NELL2: variants seen among roughly 807,000 people sequenced by gnomAD.
NELL2 encodes neural EGFL like 2.
In NELL2, 41 loss-of-function variants were observed where a neutral mutation model predicts 109.6. The observed-to-expected ratio is 0.37, with a 90% confidence interval of 0.29 to 0.49. The LOEUF (loss-of-function observed/expected upper bound fraction) is 0.49. NELL2 is among the 20% of genes least tolerant of loss of function. The pLI, the probability that NELL2 is intolerant of heterozygous loss-of-function variation, is 0.98. For synonymous variants in NELL2, 355 were observed against 344.7 expected, an observed-to-expected ratio of 1.03 and a Z score of -0.33; for missense variants, 900 against 1,008.3, an observed-to-expected ratio of 0.89 and a Z score of 1.45.
intron 3 of NELL2, among the ~76,000 whole-genome samples, chr12:44,791,204 ATAT>A (rs1942415073): frequency 2.7e-5 from 2 of 73,672 alleles, no homozygotes; most frequent in Non-Finnish European, 5.4e-5. Context: ...ATATATATAT[ATAT>A]ATATATATAT....
intron 1 of NELL2, among the ~76,000 whole-genome samples, chr12:44,891,809 T>C (rs991920145): frequency 6.6e-5 from 10 of 152,212 alleles, no homozygotes; most frequent in African/African-American, 2.4e-4. Flanking sequence ...CAAGTTGAAA[T>C]GGAATTTCCT....
rs1241954261 is a variant in NELL2 at position 44,876,251 on chromosome 12, C to G, written c.-382G>C. The G allele has an allele frequency of 3.4e-6, 4 of 1,164,408 alleles. No individual in the cohort carries two copies. The East Asian group carries it at 1.8e-4, about 54-fold the overall frequency. 72.1% of individuals were successfully genotyped at this position (1,164,408 alleles called of 1,614,324 possible). On this transcript the variant is annotated 5_prime_UTR_variant, in exon 1 of 20. Transcript: ENST00000429094. ...GGGGGCGGCCCCAAGAAAGCCCGGG[C>G]TGGGGCGGCCCCGCACCCCCCCGTC...
intron 9 of NELL2, among the ~76,000 whole-genome samples, chr12:44,718,333 A>C (rs1252244858): frequency 6.6e-6 from 1 of 152,220 alleles, no homozygotes; most frequent in Admixed American, 6.5e-5. Context: ...TCTCTAACTG[A>C]AAAGTATCTG....
chr12:44,606,086 C>T (rs1032324018), intron 15 of NELL2, among the ~76,000 whole-genome samples: 6 of 152,014 alleles, frequency 3.9e-5, no homozygotes, highest in Admixed American at 6.6e-5. Flanking sequence ...ATGCATTGTC[C>T]GTCACAGACT....
At chr12:44,631,550 G>A (rs573807485) in intron 13 of NELL2, among the ~76,000 whole-genome samples, 73 of 152,116 alleles carry the variant, frequency 4.8e-4, no homozygotes, top group South Asian at 8.3e-4. Context: ...GACAGAAGGA[G>A]GGGAGTAGGG....
At chr12:44,586,394 GTC>G (rs1436824881) in intron 15 of NELL2, among the ~76,000 whole-genome samples, 1 of 150,948 alleles carries the variant, frequency 6.6e-6, no homozygotes, top group African/African-American at 2.4e-5. Flanking sequence ...AAATACATGA[GTC>G]TTAAAATTTT....
intron 15 of NELL2, among the ~76,000 whole-genome samples, chr12:44,594,786 T>A (rs1012963125): frequency 2.0e-5 from 3 of 152,236 alleles, no homozygotes; most frequent in Non-Finnish European, 4.4e-5. Flanking sequence ...TATTCTAATC[T>A]AATGTATTTT....
chr12:44,563,676 A>G (rs952111289), intron 15 of NELL2, among the ~76,000 whole-genome samples: 4 of 152,236 alleles, frequency 2.6e-5, no homozygotes, highest in African/African-American at 9.6e-5. Context: ...GATTTGAAAG[A>G]ATCTTCTAGT....
chr12:44,567,623 A>T (rs1431842196), intron 15 of NELL2, among the ~76,000 whole-genome samples: 1 of 152,338 alleles, frequency 6.6e-6, no homozygotes, highest in Admixed American at 6.5e-5. Flanking sequence ...GAGGAAAAAA[A>T]TAAAGAGGAC....
intron 2 of NELL2, among the ~76,000 whole-genome samples, chr12:44,869,652 C>A (rs1278829595): frequency 3.9e-5 from 6 of 152,084 alleles, no homozygotes; most frequent in Admixed American, 1.3e-4. Context: ...TATTTGTGAC[C>A]TCTGCTGAAA....
At chr12:44,894,059 C>G (rs775667684) in intron 1 of NELL2, among the ~76,000 whole-genome samples, 1 of 152,082 alleles carries the variant, frequency 6.6e-6, no homozygotes, top group Non-Finnish European at 1.5e-5. Flanking sequence ...TAGAGAAATT[C>G]TACACATTGT....
At chr12:44,632,942 C>G (rs577319787) in intron 13 of NELL2, among the ~76,000 whole-genome samples, 1 of 151,908 alleles carries the variant, frequency 6.6e-6, no homozygotes, top group East Asian at 1.9e-4. Context: ...CTTGACTACA[C>G]TAGTGGATAG....
At chr12:44,810,202 C>T (rs1448889035) in intron 3 of NELL2, among the ~76,000 whole-genome samples, 2 of 152,080 alleles carry the variant, frequency 1.3e-5, no homozygotes, top group East Asian at 3.9e-4. Context: ...ATTTATTTAG[C>T]ATCTGTGTAT....
intron 11 of NELL2, among the ~76,000 whole-genome samples, chr12:44,709,993 C>A (rs145621949): frequency 2.8e-4 from 42 of 152,284 alleles, no homozygotes; most frequent in African/African-American, 1.0e-3. Flanking sequence ...TAGAAGTGTT[C>A]TTTATTACTG....
intron 15 of NELL2, among the ~76,000 whole-genome samples, chr12:44,575,422 AT>A (rs1231176815): frequency 2.6e-5 from 4 of 152,204 alleles, no homozygotes; most frequent in Admixed American, 2.6e-4. Context: ...ACACTTCTTG[AT>A]TTGCTGTATC....
intron 9 of NELL2, among the ~76,000 whole-genome samples, chr12:44,770,165 G>A (rs1326231022): frequency 1.3e-5 from 2 of 152,082 alleles, no homozygotes. Context: ...GAGGTCCTAC[G>A]TAGCTTTAAA....
At chr12:44,741,869 C>A (rs1008591913) in intron 9 of NELL2, among the ~76,000 whole-genome samples, 3 of 152,254 alleles carry the variant, frequency 2.0e-5, no homozygotes, top group Non-Finnish European at 4.4e-5. Flanking sequence ...CCTCTGTAGG[C>A]TCCACCTCTG....
At chr12:44,621,795 C>T (rs1416632231) in intron 13 of NELL2, among the ~76,000 whole-genome samples, 5 of 151,978 alleles carry the variant, frequency 3.3e-5, no homozygotes, top group Admixed American at 1.3e-4. Context: ...ATCATCACAG[C>T]TGTCTAGATT....
intron 15 of NELL2, among the ~76,000 whole-genome samples, chr12:44,581,663 A>T (rs145447179): frequency 3.9e-3 from 173 of 44,570 alleles, no homozygotes; most frequent in African/African-American, 0.024. Context: ...GAAAAAATTC[A>T]GTTTGTTTTG....
Sources: allele counts gnomAD v4.1 joint callset (sites outside exome capture counted in the v4.1 genomes callset), GRCh38; gene constraint gnomAD v4.1.1; transcripts MANE v1.5; gene names NCBI Gene and HGNC (gene_info 2026-07-23, HGNC 2026-07-21).